Variants in MYO3B observed in about 807,000 individuals in gnomAD.
MYO3B encodes myosin IIIB, also known as myosin-IIIb.
MYO3B carries 156 observed loss-of-function variants against 174.6 expected under a neutral mutation model. The observed-to-expected ratio is 0.89, with a 90% CI of 0.78 to 1.02. MYO3B has a LOEUF of 1.02. MYO3B is among the 50% of genes least tolerant of loss of function. The pLI is 0.00. For missense variants in MYO3B, 1,632 were observed against 1,639.4 expected (o/e 1.00, Z 0.08); for synonymous variants, 563 against 569.1 (o/e 0.99, Z 0.15).
intron 28 of MYO3B, 86 bp downstream of exon 28, chr2:170,501,951 A>C: frequency 2.1e-6 from 2 of 947,130 alleles, no homozygotes; most frequent in Non-Finnish European, 3.3e-6. Context: ...AAAGGTTAAT[A>C]ATTCAGGAGC....
chr2:170,373,666 G>A lies in MYO3B; in HGVS notation c.971+4289G>A, dbSNP rs116826150. Among the ~76,000 whole-genome samples, 193 of 152,096 alleles carry A rather than the reference G, an allele frequency of 1.3e-3. 2 individuals are homozygous for A. The highest frequency in any genetic ancestry group is 4.6e-3 in the African/African-American group (189 of 41,454). On this transcript the variant is annotated intron_variant, in intron 9 of 34. Transcript: ENST00000408978. ...ACAACGAAGACAGAAGAGAGAGGAA[G>A]CAATGGAGGAAGCAAGAGGGAGTGG... is the stretch of plus-strand genomic sequence containing the variant.
At chr2:170,375,511 GT>G (rs35093782) in intron 9 of MYO3B, among the ~76,000 whole-genome samples, 71,791 of 147,706 alleles carry the variant, frequency 0.49, 17,807 homozygotes, top group Non-Finnish European at 0.56. Context: ...AAGTTGCTGG[GT>G]TTTTTTTTTT....
intron 7 of MYO3B, among the ~76,000 whole-genome samples, chr2:170,301,426 A>C (rs1355655534): frequency 3.3e-5 from 5 of 152,234 alleles, no homozygotes; most frequent in Non-Finnish European, 7.3e-5. Flanking sequence ...TTGTATCGAT[A>C]ATAGTTTTAG....
At chr2:170,519,328 G>C in intron 29 of MYO3B, 110 bp from the exon 30 acceptor site, 1 of 700,278 alleles carries the variant, frequency 1.4e-6, no homozygotes, top group Non-Finnish European at 2.4e-6. Context: ...GAAAGTCACG[G>C]AGTGGTATGA....
At chr2:170,433,621 G>T (rs2094728487) in intron 22 of MYO3B, among the ~76,000 whole-genome samples, 1 of 152,186 alleles carries the variant, frequency 6.6e-6, no homozygotes, top group Admixed American at 6.5e-5. Context: ...GGGGTTTTTA[G>T]AAAGTCCTTG....
intron 7 of MYO3B, among the ~76,000 whole-genome samples, chr2:170,293,480 T>G (rs992895345): frequency 6.6e-6 from 1 of 152,164 alleles, no homozygotes; most frequent in Non-Finnish European, 1.5e-5. Flanking sequence ...TTCACAGATA[T>G]TTTTTGGTGG....
intron 1 of MYO3B, among the ~76,000 whole-genome samples, chr2:170,185,835 T>C (rs775035097): frequency 6.7e-6 from 1 of 149,010 alleles, no homozygotes; most frequent in South Asian, 2.2e-4. Context: ...CAGTGTTTTA[T>C]AGTTTTCGTT....
intron 32 of MYO3B, among the ~76,000 whole-genome samples, chr2:170,627,721 G>A (rs6727648): frequency 0.034 from 5,157 of 152,254 alleles, 288 homozygotes; most frequent in African/African-American, 0.12. Context: ...CCTACAGATG[G>A]GGTTTTGGTG....
intron 7 of MYO3B, among the ~76,000 whole-genome samples, chr2:170,281,568 C>T (rs1559356802): frequency 1.3e-5 from 2 of 152,108 alleles, no homozygotes; most frequent in South Asian, 2.1e-4. Context: ...ATGCAACACA[C>T]CAGAGTCTCT....
chr2:170,316,985 A>T (rs1398965709), intron 7 of MYO3B, among the ~76,000 whole-genome samples: 2 of 152,222 alleles, frequency 1.3e-5, no homozygotes. Flanking sequence ...TTGGATGGAA[A>T]CATGAGCCTG....
In MYO3B at chr2:170,347,628, T is replaced by C. The variant is rs141783799; in HGVS notation, c.815+12178T>C. Among the ~76,000 whole-genome samples the C allele has an allele frequency of 3.5e-3, 533 of 152,118 alleles. 4 individuals carry two copies. The highest frequency in any genetic ancestry group is 7.8e-3 in the Admixed American group (119 of 15,278). Reference sequence around the variant, plus strand: ...AAAAATAAAAAGAAAATAAATCAAGTGATGGACTTTAGGCCTCACAGCTGG... The same window carrying C: ...AAAAATAAAAAGAAAATAAATCAAGCGATGGACTTTAGGCCTCACAGCTGG... On this transcript the variant is annotated intron_variant, in intron 8 of 34. Transcript: ENST00000408978.
At chr2:170,544,826 G>T (rs912220002) in intron 32 of MYO3B, among the ~76,000 whole-genome samples, 8 of 152,120 alleles carry the variant, frequency 5.3e-5, no homozygotes, top group African/African-American at 1.9e-4. Flanking sequence ...TGGACATGTA[G>T]TAAATGATAA....
At chr2:170,358,059 G>A (rs1368914097) in intron 8 of MYO3B, among the ~76,000 whole-genome samples, 1 of 152,012 alleles carries the variant, frequency 6.6e-6, no homozygotes, top group African/African-American at 2.4e-5. Context: ...GGCTGAGGCA[G>A]GAGAATCACT....
At chr2:170,183,117 C>T (rs973354480) in intron 1 of MYO3B, among the ~76,000 whole-genome samples, 8 of 151,864 alleles carry the variant, frequency 5.3e-5, no homozygotes, top group Admixed American at 3.9e-4. Context: ...ATTAGCTGGG[C>T]GTGGTGGCAT....
At chr2:170,482,484 C>T (rs924957931) in intron 25 of MYO3B, among the ~76,000 whole-genome samples, 5 of 152,194 alleles carry the variant, frequency 3.3e-5, no homozygotes, top group Non-Finnish European at 5.9e-5. Flanking sequence ...CCGCCATCCA[C>T]GTAAAATGTG....
At chr2:170,562,219 T>C (rs1389447228) in intron 32 of MYO3B, among the ~76,000 whole-genome samples, 2 of 152,214 alleles carry the variant, frequency 1.3e-5, no homozygotes, top group Non-Finnish European at 2.9e-5. Context: ...AGATAATTTA[T>C]GCACAACATA....
intron 7 of MYO3B, among the ~76,000 whole-genome samples, chr2:170,247,076 G>T (rs1339183604): frequency 6.6e-6 from 1 of 152,218 alleles, no homozygotes; most frequent in Non-Finnish European, 1.5e-5. Flanking sequence ...GCTGAGCCAA[G>T]AACTTCCTTT....
intron 8 of MYO3B, among the ~76,000 whole-genome samples, chr2:170,351,891 TG>T (rs2105602897): frequency 6.6e-6 from 1 of 152,322 alleles, no homozygotes; most frequent in South Asian, 2.1e-4. Flanking sequence ...ATCATACAGT[TG>T]GGGCAGGGAC....
At chr2:170,474,425 G>T (rs116562525) in intron 25 of MYO3B, among the ~76,000 whole-genome samples, 1 of 151,888 alleles carries the variant, frequency 6.6e-6, no homozygotes. Flanking sequence ...GAAGGATAGG[G>T]ATGGATAGGC....
Sources: allele counts gnomAD v4.1 joint callset (sites outside exome capture counted in the v4.1 genomes callset), GRCh38; gene constraint gnomAD v4.1.1; transcripts MANE v1.5; gene names NCBI Gene and HGNC (gene_info 2026-07-23, HGNC 2026-07-21).